TEX11: variants seen among roughly 807,000 people sequenced by gnomAD.
The protein encoded by TEX11 is testis expressed 11, also known as testis-expressed protein 11.
A neutral mutation model predicts 84.4 loss-of-function variants in TEX11; 7 were observed. That is an observed-to-expected ratio of 0.08 (90% CI 0.05 to 0.16). The LOEUF (loss-of-function observed/expected upper bound fraction) is 0.16. TEX11 is among the 10% of genes least tolerant of loss of function. The pLI is 1.00. For synonymous variants in TEX11, 264 were observed against 222.8 expected, an observed-to-expected ratio of 1.18 and a Z score of -1.64; for missense variants, 551 against 660.5, an observed-to-expected ratio of 0.83 and a Z score of 1.82.
At chrX:70,900,123 A>T (rs779958372) in intron 2 of TEX11, among the ~76,000 whole-genome samples, 8 of 102,704 alleles carry the variant, frequency 7.8e-5, no homozygotes, top group Non-Finnish European at 1.6e-4. Context: ...ATGAGCCGAG[A>T]TGGTGCAACT....
chrX:70,575,006 G>A (rs2088655367), intron 25 of TEX11, among the ~76,000 whole-genome samples: 1 of 111,367 alleles, frequency 9.0e-6, no homozygotes, highest in Non-Finnish European at 1.9e-5. Context: ...AGGAGAGGTG[G>A]CGAGGAAGGT....
intron 28 of TEX11, among the ~76,000 whole-genome samples, chrX:70,546,977 T>C (rs186521930): frequency 1.1e-5 from 1 of 86,975 alleles, no homozygotes; most frequent in Non-Finnish European, 2.1e-5. Flanking sequence ...TATGAACTGA[T>C]GAACAGATAA....
At position 70,853,079 on chromosome X, in the gene TEX11, A is replaced by G. The variant is rs748927377; in HGVS notation, c.480T>C (p.Thr160=). Residue 160 remains threonine, a synonymous_variant, in exon 7 of 30, where the codon ACT becomes ACC. Transcript: ENST00000374333. ...PEADLTMEKI[T]VESDHFRVLS... ...GCACTCTGAAGTGGTCACTCTCAAC[A>G]GTAATCTTCTCCATGGTCAAGTCAG... is the stretch of plus-strand genomic sequence containing the variant. 2 of 1,209,139 alleles carry G rather than the reference A, an allele frequency of 1.7e-6. No homozygotes were observed. Among genetic ancestry groups the G allele is most frequent in the Admixed American group, 4.4e-5 (2 of 45,821 alleles).
chrX:70,552,074 CAG>C, intron 28 of TEX11, 50 bp downstream of exon 28: 3 of 1,161,500 alleles, frequency 2.6e-6, no homozygotes, highest in Non-Finnish European at 3.5e-6. Context: ...GTACACAAGA[CAG>C]TTCAGTTCTT....
chrX:70,882,733 A>G lies in TEX11; in HGVS notation c.38-2624T>C, dbSNP rs771911876. Among the ~76,000 whole-genome samples, 195 of 109,911 alleles carry G rather than the reference A, an allele frequency of 1.8e-3. 2 individuals carry two copies. The highest frequency in any genetic ancestry group is 6.2e-3 in the African/African-American group (187 of 30,207). ...AGGTGGAAGCTGCAGTTAAGCTATG[A>G]TCATGCCACGGCACTCCAGCTGGGT... On this transcript the variant is annotated intron_variant, in intron 2 of 29. Coordinates refer to ENST00000374333, the MANE Select transcript of TEX11 (RefSeq NM_031276.3).
intron 9 of TEX11, among the ~76,000 whole-genome samples, chrX:70,786,115 T>C (rs1372000945): frequency 8.9e-6 from 1 of 111,982 alleles, no homozygotes; most frequent in East Asian, 2.8e-4. Context: ...ATGGCACATA[T>C]ACAGCATGGA....
chrX:70,841,307 G>T (rs1219481785), intron 7 of TEX11, among the ~76,000 whole-genome samples: 1 of 111,139 alleles, frequency 9.0e-6, no homozygotes, highest in African/African-American at 3.3e-5. Flanking sequence ...AATCAAACTA[G>T]AACTCAGGAT....
intron 9 of TEX11, among the ~76,000 whole-genome samples, chrX:70,773,033 A>C (rs73222703): frequency 0.07 from 7,741 of 110,394 alleles, 233 homozygotes; most frequent in East Asian, 0.13. Flanking sequence ...ACAACAACAA[A>C]AAAAACACTA....
intron 17 of TEX11, among the ~76,000 whole-genome samples, chrX:70,639,018 G>T (rs2089610584): frequency 9.1e-6 from 1 of 110,365 alleles, no homozygotes; most frequent in Admixed American, 9.6e-5. Context: ...CATCTGACTA[G>T]GGAGTGCCAG....
intron 26 of TEX11, among the ~76,000 whole-genome samples, chrX:70,554,306 A>G (rs770246738): frequency 8.5e-4 from 95 of 112,170 alleles, no homozygotes; most frequent in African/African-American, 2.7e-3. Flanking sequence ...AAAACTTTCT[A>G]AAGTTTGAGC....
At chrX:70,879,012 C>T (rs1392057545) in intron 3 of TEX11, among the ~76,000 whole-genome samples, 1 of 111,725 alleles carries the variant, frequency 9.0e-6, no homozygotes, top group Non-Finnish European at 1.9e-5. Flanking sequence ...TAAGTGAAAA[C>T]AGTCAGTAAA....
chrX:70,849,308 C>G (rs778207749), intron 7 of TEX11, among the ~76,000 whole-genome samples: 1 of 112,075 alleles, frequency 8.9e-6, no homozygotes, highest in Non-Finnish European at 1.9e-5. Context: ...ACACATAGCA[C>G]TGAACACTGC....
chrX:70,867,151 A>G (rs1413499876), intron 4 of TEX11, among the ~76,000 whole-genome samples: 1 of 112,087 alleles, frequency 8.9e-6, no homozygotes, highest in Non-Finnish European at 1.9e-5. Flanking sequence ...AAACTCCTTA[A>G]GCTGATAAGC....
At chrX:70,564,882 T>C (rs1404850993) in intron 25 of TEX11, among the ~76,000 whole-genome samples, 1 of 110,380 alleles carries the variant, frequency 9.1e-6, no homozygotes, top group African/African-American at 3.3e-5. Context: ...CATGTGTCTT[T>C]ATAGCAGCAT....
At chrX:70,618,396 G>A (rs1284175926) in intron 20 of TEX11, among the ~76,000 whole-genome samples, 4 of 111,533 alleles carry the variant, frequency 3.6e-5, no homozygotes, top group Non-Finnish European at 5.7e-5. Context: ...CTGGGTCCAC[G>A]AAATTAGTGG....
At chrX:70,734,381 G>A (rs1000499522) in intron 11 of TEX11, among the ~76,000 whole-genome samples, 9 of 111,333 alleles carry the variant, frequency 8.1e-5, no homozygotes, top group Non-Finnish European at 5.7e-5. Context: ...GTATTGCCTA[G>A]CAAATTGTAT....
At chrX:70,820,077 A>T (rs1236438496) in intron 8 of TEX11, among the ~76,000 whole-genome samples, 1 of 112,248 alleles carries the variant, frequency 8.9e-6, no homozygotes, top group East Asian at 2.8e-4. Context: ...CCTAAAATTC[A>T]TATAAAATCA....
chrX:70,886,892 C>T (rs759900315), intron 2 of TEX11, among the ~76,000 whole-genome samples: 145 of 111,671 alleles, frequency 1.3e-3, no homozygotes, highest in Non-Finnish European at 2.4e-3. Flanking sequence ...AAAGGAATTT[C>T]CAACTTGATT....
chrX:70,902,030 G>A (rs2091806210), intron 2 of TEX11, among the ~76,000 whole-genome samples: 1 of 112,634 alleles, frequency 8.9e-6, no homozygotes, highest in African/African-American at 3.2e-5. Context: ...AAGGAGGATC[G>A]CTTGAGCCCA....
Sources: allele counts gnomAD v4.1 joint callset (sites outside exome capture counted in the v4.1 genomes callset), GRCh38; gene constraint gnomAD v4.1.1; transcripts MANE v1.5; gene names NCBI Gene and HGNC (gene_info 2026-07-23, HGNC 2026-07-21).